EFCAB13: variants seen among roughly 807,000 people sequenced by gnomAD.
EFCAB13 encodes the protein EF-hand calcium-binding domain-containing protein 13.
A neutral mutation model predicts 110.2 loss-of-function variants in EFCAB13; 91 were observed. The ratio of observed to expected loss-of-function variants is 0.83; its 90% confidence interval spans 0.70 to 0.98. EFCAB13 has a LOEUF of 0.98. Among genes scored for constraint, EFCAB13 ranks in the 50% least tolerant of loss-of-function variants. The probability of loss-of-function intolerance (pLI) is 0.00; values close to 1 mark genes in which losing one functional copy is unlikely to be tolerated. For missense variants in EFCAB13, 968 were observed against 1,119.4 expected (o/e 0.86, Z 1.93); for synonymous variants, 323 against 369.9 (o/e 0.87, Z 1.45).
chr17:47,435,593 T>C lies in EFCAB13; in HGVS notation c.2639-4838T>C, dbSNP rs147054437. On this transcript the variant is annotated intron_variant, in intron 24 of 24. Coordinates refer to ENST00000331493, the MANE Select transcript of EFCAB13 (RefSeq NM_152347.5). ...TGAGTTCTTGATTTGGTTCTCCACT[T>C]GGTCACTGTTGGTGTATAGAAGAAC... Among the ~76,000 whole-genome samples, 8 of 152,318 alleles carry C rather than the reference T, an allele frequency of 5.3e-5. No homozygotes were observed. In the East Asian group the frequency reaches 1.5e-3, roughly 29 times the overall value.
At chr17:47,327,823 C>G (rs1198039764) in intron 3 of EFCAB13, among the ~76,000 whole-genome samples, 1 of 152,136 alleles carries the variant, frequency 6.6e-6, no homozygotes, top group Non-Finnish European at 1.5e-5. Context: ...AGACCACAGG[C>G]TTGGAGTTAA....
intron 23 of EFCAB13, among the ~76,000 whole-genome samples, chr17:47,421,498 C>T (rs1344984906): frequency 6.6e-6 from 1 of 151,738 alleles, no homozygotes; most frequent in Non-Finnish European, 1.5e-5. Flanking sequence ...TGCGGAAGGC[C>T]GCAGTGTCCT....
intron 9 of EFCAB13, 99 bp from the exon 10 acceptor site, chr17:47,361,279 T>G: frequency 9.2e-7 from 1 of 1,092,434 alleles, no homozygotes; most frequent in Non-Finnish European, 1.3e-6. Context: ...CCTGTGCTTA[T>G]ACAAAGTTAT....
At position 47,377,898 on chromosome 17, in the gene EFCAB13, G is replaced by GA. The variant is rs1690778308; in HGVS notation, c.1508dup (p.Asn503LysfsTer2). 3.2e-6 allele frequency: 5 copies of GA among 1,584,500 alleles called. No homozygotes were observed. The highest frequency in any genetic ancestry group is 1.7e-4 in the Middle Eastern group (1 of 5,986). On this transcript the variant is annotated frameshift_variant, in exon 13 of 25. Coordinates refer to ENST00000331493, the MANE Select transcript of EFCAB13 (RefSeq NM_152347.5). LOFTEE classifies it high-confidence loss of function. ...CAGAAGATTGTGACAGACACTAGTAGAAATGGTGAGAGACTGATAACACTG... is the reference window on the plus strand; with the variant it reads ...CAGAAGATTGTGACAGACACTAGTAGAAAATGGTGAGAGACTGATAACACTG...
chr17:47,397,186 A>T (rs1371280363), intron 17 of EFCAB13, among the ~76,000 whole-genome samples: 1 of 151,350 alleles, frequency 6.6e-6, no homozygotes, highest in African/African-American at 2.4e-5. Flanking sequence ...TGGTTTTCGT[A>T]TTTTTTTGGT....
intron 23 of EFCAB13, among the ~76,000 whole-genome samples, chr17:47,420,714 C>T (rs1904645934): frequency 6.6e-6 from 1 of 151,394 alleles, no homozygotes; most frequent in African/African-American, 2.4e-5. Context: ...CGCCCGGCAG[C>T]CGCCCCATCT....
chr17:47,335,356 T>C lies in EFCAB13; in HGVS notation c.191T>C (p.Ile64Thr). Residue 64 changes from isoleucine to threonine, a missense_variant and splice_region_variant, in exon 5 of 25, where the codon ATA becomes ACA. Physicochemically the swap from Ile to Thr is moderately conservative, Grantham distance 89 (BLOSUM62 -1). Coordinates refer to ENST00000331493, the MANE Select transcript of EFCAB13 (RefSeq NM_152347.5). ...AGTTTGAGCCCAGAATATAAAAAAA[T>C]GTAAGTTAAAAACTCTGAACTTACT... ...IRSLSPEYKK[I>T]FETSIIFCGE... 3 of 1,581,468 alleles carry C rather than the reference T, an allele frequency of 1.9e-6. No individual in the cohort carries two copies. In the East Asian group the frequency reaches 6.7e-5, roughly 35 times the overall value.
rs2065265296 is a variant in EFCAB13, at chr17:47,324,044, A to T, written c.-348A>T. On this transcript the variant is annotated 5_prime_UTR_variant, in exon 1 of 25. Transcript: ENST00000331493. The stretch of plus-strand genomic sequence containing the variant: ...GACCACAGAGAGCGCGGGGGCCTCC[A>T]GCCGAGAGGAAGGGAGGGCAGCTCG... The T allele has an allele frequency of 1.3e-5, 2 of 152,308 alleles. No homozygotes were observed. The highest frequency in any genetic ancestry group is 2.9e-5 in the Non-Finnish European group (2 of 68,478). The allele number at this position is 152,308 out of a possible 1,614,324, so 9.4% of individuals were successfully genotyped here.
rs1047468150 is a variant in EFCAB13, at chr17:47,338,886, A to G, written c.192-3035A>G. On this transcript the variant is annotated intron_variant, in intron 5 of 24. Transcript: ENST00000331493. ...AAGCAAGATACTTTTTCTTGGAGAA[A>G]TAAGTCAGTAAAAAAGAGCAGGGTA... Among the ~76,000 whole-genome samples the G allele has an allele frequency of 4.7e-5, 7 of 150,260 alleles. No homozygotes were observed. The East Asian group carries it at 1.1e-3, about 23-fold the overall frequency.
intron 9 of EFCAB13, among the ~76,000 whole-genome samples, chr17:47,352,792 C>T (rs776067283): frequency 4.6e-5 from 7 of 152,106 alleles, no homozygotes; most frequent in Non-Finnish European, 1.0e-4. Context: ...TTGTAGAGAT[C>T]TTTCACCTCT....
intron 14 of EFCAB13, among the ~76,000 whole-genome samples, chr17:47,390,344 A>T (rs1936269184): frequency 6.6e-6 from 1 of 151,848 alleles, no homozygotes; most frequent in Non-Finnish European, 1.5e-5. Context: ...ACACACACAC[A>T]CTTTCTCTCT....
chr17:47,357,764 A>G (rs2065489452), intron 9 of EFCAB13, among the ~76,000 whole-genome samples: 3 of 152,216 alleles, frequency 2.0e-5, no homozygotes, highest in Admixed American at 6.5e-5. Context: ...TTAGGAGTCC[A>G]AACACACATA....
intron 20 of EFCAB13, among the ~76,000 whole-genome samples, chr17:47,408,961 GTTAT>G (rs1369068202): frequency 3.3e-5 from 5 of 152,050 alleles, no homozygotes; most frequent in South Asian, 2.1e-4. Flanking sequence ...CTTTTTATAG[GTTAT>G]TTGTTTTGTT....
chr17:47,413,976 G>T (rs1904333403), intron 22 of EFCAB13, among the ~76,000 whole-genome samples: 6 of 151,990 alleles, frequency 3.9e-5, no homozygotes, highest in Admixed American at 3.9e-4. Context: ...CTATCCCAAA[G>T]ATAGTTTTGG....
intron 17 of EFCAB13, 34 bp downstream of exon 17, chr17:47,396,011 A>G (rs1310275640): frequency 6.5e-7 from 1 of 1,546,324 alleles, no homozygotes; most frequent in African/African-American, 1.4e-5. Flanking sequence ...TAAAAAGTAT[A>G]CCAAGATATT....
intron 9 of EFCAB13, among the ~76,000 whole-genome samples, chr17:47,356,570 A>T (rs2065481820): frequency 6.6e-6 from 1 of 152,214 alleles, no homozygotes; most frequent in Non-Finnish European, 1.5e-5. Context: ...CCTGTGATGT[A>T]TTCCATCTTC....
chr17:47,373,792 T>C (rs1051805454), intron 11 of EFCAB13, among the ~76,000 whole-genome samples: 3 of 152,308 alleles, frequency 2.0e-5, no homozygotes, highest in Non-Finnish European at 4.4e-5. Flanking sequence ...TAAGAAACTT[T>C]TTTATTTCCT....
intron 10 of EFCAB13, among the ~76,000 whole-genome samples, chr17:47,365,636 C>T (rs1470544907): frequency 2.0e-5 from 3 of 152,042 alleles, no homozygotes; most frequent in African/African-American, 7.2e-5. Flanking sequence ...TTAAGAACTC[C>T]CTTACTCCCA....
chr17:47,348,832 G>T (rs761595680), intron 9 of EFCAB13, among the ~76,000 whole-genome samples: 1 of 151,722 alleles, frequency 6.6e-6, no homozygotes, highest in Admixed American at 6.6e-5. Flanking sequence ...TATGTGATTC[G>T]TAGATATTTT....
Sources: allele counts gnomAD v4.1 joint callset (sites outside exome capture counted in the v4.1 genomes callset), GRCh38; gene constraint gnomAD v4.1.1; transcripts MANE v1.5; gene names NCBI Gene and HGNC (gene_info 2026-07-23, HGNC 2026-07-21).